The following ZNF727 variants were observed in gnomAD, a reference collection of about 807,000 sequenced individuals.
The protein encoded by ZNF727 is zinc finger protein 727, also known as putative zinc finger protein 727.
ZNF727 carries 11 observed loss-of-function variants against 11.5 expected under a neutral mutation model. The ratio of observed to expected loss-of-function variants is 0.95; its 90% CI spans 0.60 to 1.58. ZNF727 has a LOEUF of 1.58. Ranked by LOEUF, ZNF727 falls within the 40% of genes most tolerant of loss-of-function variation. The pLI is 0.00. For missense variants in ZNF727, 533 were observed against 581.7 expected (o/e 0.92, Z 0.86); for synonymous variants, 171 against 196.1 (o/e 0.87, Z 1.07).
At chr7:64,068,181 G>A (rs372266749) in intron 1 of ZNF727, among the ~76,000 whole-genome samples, 4 of 150,850 alleles carry the variant, frequency 2.7e-5, no homozygotes, top group Non-Finnish European at 4.4e-5. Flanking sequence ...TTTTTCACTC[G>A]AGTTAATTAT....
intron 3 of ZNF727, among the ~76,000 whole-genome samples, chr7:64,076,876 C>A (rs1473377348): frequency 1.3e-5 from 2 of 152,130 alleles, no homozygotes; most frequent in African/African-American, 4.8e-5. Flanking sequence ...AGAAATTAGT[C>A]TTTGGTAAGG....
intron 3 of ZNF727, among the ~76,000 whole-genome samples, chr7:64,076,080 A>C (rs914034530): frequency 6.9e-5 from 10 of 145,264 alleles, no homozygotes; most frequent in Admixed American, 4.9e-4. Context: ...CTATGTCATT[A>C]ATTAATTGTG....
intron 1 of ZNF727, among the ~76,000 whole-genome samples, chr7:64,050,756 G>T (rs1250901273): frequency 6.7e-6 from 1 of 148,174 alleles, no homozygotes; most frequent in Non-Finnish European, 1.5e-5. Context: ...TATAATATGT[G>T]TGTGTATGTA....
Position 64,080,314 on chromosome 7 carries a change from A to G in ZNF727, c.*1765A>G, listed in dbSNP as rs751276162. 1.1e-4 allele frequency among the ~76,000 whole-genome samples: 17 copies of G among 152,120 alleles called. No individual in the cohort carries two copies. Among genetic ancestry groups the G allele is most frequent in the Non-Finnish European group, 2.5e-4 (17 of 68,030 alleles). On this transcript the variant is annotated 3_prime_UTR_variant, in exon 4 of 4. Transcript: ENST00000456806. ...TTAATTATAGATTTGGTTTATTTAC[A>G]TAATCTGTTATTTCTTGGAGGTTTT...
chr7:64,061,452 T>C (rs1180748811), intron 1 of ZNF727, among the ~76,000 whole-genome samples: 1 of 151,950 alleles, frequency 6.6e-6, no homozygotes, highest in Non-Finnish European at 1.5e-5. Flanking sequence ...ATAGTTTTTT[T>C]TTTCTTGAAA....
chr7:64,045,460 G>C lies in ZNF727; in HGVS notation c.-162G>C. The C allele has an allele frequency of 9.7e-7, 1 of 1,033,864 alleles. No homozygotes were observed. Among genetic ancestry groups the C allele is most frequent in the African/African-American group, 1.6e-5 (1 of 62,924 alleles). 64.0% of individuals were successfully genotyped at this position (1,033,864 alleles called of 1,614,324 possible). ...GGCTCTTCAATATGGCAAGGCCTTC[G>C]TCTCCTAGCTTCTAGGCTCTGAGTC... On this transcript the variant is annotated 5_prime_UTR_variant, in exon 1 of 4. Coordinates refer to ENST00000456806, the MANE Select transcript of ZNF727 (RefSeq NM_001159522.3).
Position 64,080,580 on chromosome 7 carries a change from A to G in ZNF727, c.*2031A>G, listed in dbSNP as rs1244943992. Among the ~76,000 whole-genome samples the G allele has an allele frequency of 6.6e-6, 1 of 152,066 alleles. No individual in the cohort carries two copies. The highest frequency in any genetic ancestry group is 2.4e-5 in the African/African-American group (1 of 41,412). ...TTTTTCTTCTTTGCATTGGGTTGCAACTTACCTTTGTAGATCAATGAAGTT... is the reference window on the plus strand; with the variant it reads ...TTTTTCTTCTTTGCATTGGGTTGCAGCTTACCTTTGTAGATCAATGAAGTT... On this transcript the variant is annotated 3_prime_UTR_variant, in exon 4 of 4. Transcript: ENST00000456806.
In ZNF727 at chr7:64,045,491, C is replaced by A; in HGVS notation, c.-131C>A. On this transcript the variant is annotated 5_prime_UTR_variant, in exon 1 of 4. Coordinates refer to ENST00000456806, the MANE Select transcript of ZNF727 (RefSeq NM_001159522.3). ...TAGCTTCTAGGCTCTGAGTCCAGTACCCGTCTGTACTATTCCATCTCTTCC... is the reference window on the plus strand; with the variant it reads ...TAGCTTCTAGGCTCTGAGTCCAGTAACCGTCTGTACTATTCCATCTCTTCC... The A allele has an allele frequency of 7.9e-7, 1 of 1,268,966 alleles. No homozygotes were observed. The highest frequency in any genetic ancestry group is 1.1e-6 in the Non-Finnish European group (1 of 890,688). The allele number at this position is 1,268,966 out of a possible 1,614,324, so 78.6% of individuals were successfully genotyped here.
intron 1 of ZNF727, among the ~76,000 whole-genome samples, chr7:64,067,653 C>T (rs1215710907): frequency 1.3e-5 from 2 of 152,144 alleles, no homozygotes; most frequent in Admixed American, 6.5e-5. Context: ...AACCAAACAC[C>T]GCATGTTCTC....
At chr7:64,069,656 T>C (rs760290284) in intron 3 of ZNF727, 47 bp downstream of exon 3, 4 of 1,432,708 alleles carry the variant, frequency 2.8e-6, no homozygotes, top group Admixed American at 2.0e-5. Flanking sequence ...CGGTTCCCAA[T>C]GTCAAGGAGG....
intron 1 of ZNF727, among the ~76,000 whole-genome samples, chr7:64,050,096 G>A (rs943621087): frequency 6.6e-6 from 1 of 151,802 alleles, no homozygotes; most frequent in Non-Finnish European, 1.5e-5. Context: ...TCGCTGAGAA[G>A]TCAGAAGACA....
At chr7:64,070,734 T>C (rs1042248158) in intron 3 of ZNF727, among the ~76,000 whole-genome samples, 5 of 152,162 alleles carry the variant, frequency 3.3e-5, no homozygotes, top group African/African-American at 1.2e-4. Flanking sequence ...ATAACTTATG[T>C]CTTTTCACTG....
chr7:64,059,450 A>C (rs565177446), intron 1 of ZNF727, among the ~76,000 whole-genome samples: 1 of 152,224 alleles, frequency 6.6e-6, no homozygotes, highest in Admixed American at 6.5e-5. Context: ...ACTTTCAGCT[A>C]TGAAGCACTC....
At chr7:64,056,934 A>G (rs1344857178) in intron 1 of ZNF727, among the ~76,000 whole-genome samples, 1 of 152,086 alleles carries the variant, frequency 6.6e-6, no homozygotes, top group Non-Finnish European at 1.5e-5. Flanking sequence ...ATGTGTTTGT[A>G]TAAAGACATC....
chr7:64,077,676 T>C lies in ZNF727; in HGVS notation c.627T>C (p.Cys209=). The C allele has an allele frequency of 6.4e-7, 1 of 1,561,204 alleles. No homozygotes were observed. The highest frequency in any genetic ancestry group is 8.7e-7 in the Non-Finnish European group (1 of 1,152,520). The change falls in exon 4 of 4, where the codon TGT becomes TGC. Residue 209 remains cysteine (C), a synonymous_variant. Transcript: ENST00000456806. ...SYKCEECGKA[C]KKFSNLTEHN... is the part of the protein sequence containing the mutation. ...AATGTGAAGAATGTGGCAAAGCCTG[T>C]AAAAAGTTCTCAAACCTTACTGAAC...
chr7:64,083,823 C>T lies in ZNF727; in HGVS notation c.*5274C>T, dbSNP rs1407159010. ...AGTTAAGTTGTTTCTTTCATTAGTT[C>T]CAATGCAAGTACCTGGATGTTTCAG... On this transcript the variant is annotated 3_prime_UTR_variant, in exon 4 of 4. Transcript: ENST00000456806. Among the ~76,000 whole-genome samples, 6 of 152,158 alleles carry T rather than the reference C, an allele frequency of 3.9e-5. No individual in the cohort carries two copies. The East Asian group carries it at 1.2e-3, about 29-fold the overall frequency.
intron 3 of ZNF727, among the ~76,000 whole-genome samples, chr7:64,072,330 A>G (rs778423614): frequency 2.4e-4 from 37 of 151,978 alleles, no homozygotes; most frequent in Non-Finnish European, 4.4e-4. Flanking sequence ...GAGCCTGGGT[A>G]GTTGTTAATC....
intron 1 of ZNF727, among the ~76,000 whole-genome samples, chr7:64,052,185 T>C (rs142039355): frequency 6.6e-6 from 1 of 152,296 alleles, no homozygotes; most frequent in African/African-American, 2.4e-5. Context: ...TTGGTGATTA[T>C]AGTGCTGGGT....
intron 3 of ZNF727, among the ~76,000 whole-genome samples, chr7:64,076,913 A>G (rs1785675212): frequency 6.6e-6 from 1 of 152,294 alleles, no homozygotes; most frequent in East Asian, 1.9e-4. Context: ...ACATGAACAC[A>G]TGTACCACTG....
Sources: allele counts gnomAD v4.1 joint callset (sites outside exome capture counted in the v4.1 genomes callset), GRCh38; gene constraint gnomAD v4.1.1; transcripts MANE v1.5; gene names NCBI Gene and HGNC (gene_info 2026-07-23, HGNC 2026-07-21).